Variants in SNTG1 observed in about 807,000 individuals in gnomAD.
The protein encoded by SNTG1 is gamma-1-syntrophin.
SNTG1 carries 39 observed loss-of-function variants against 74.7 expected under a neutral mutation model. The ratio of observed to expected loss-of-function variants is 0.52; its 90% confidence interval spans 0.40 to 0.68. The LOEUF (loss-of-function observed/expected upper bound fraction) is 0.68, where lower values mean the gene tolerates loss of function less well. Among genes scored for constraint, SNTG1 ranks in the 30% least tolerant of loss-of-function variants. The pLI is 0.00. For missense variants in SNTG1, 685 were observed against 609.5 expected (o/e 1.12, Z -1.30); for synonymous variants, 254 against 217.1 (o/e 1.17, Z -1.49).
rs2093768433 is a variant in SNTG1 at position 50,484,185 on chromosome 8, C to CTTCA, written c.364-18590_364-18589insATTC. On this transcript the variant is annotated intron_variant, in intron 8 of 18. Transcript: ENST00000642720. ...CCTTCCTTCCTTCCTTCCTTCCTTCCTTCCTTCCTTCCTTCCTTCCTTCCT... is the reference window on the plus strand; with the variant it reads ...CCTTCCTTCCTTCCTTCCTTCCTTCCTTCATTCCTTCCTTCCTTCCTTCCTTCCT... Among the ~76,000 whole-genome samples, 3 of 116,482 alleles carry CTTCA rather than the reference C, an allele frequency of 2.6e-5. No homozygotes were observed. In the South Asian group the frequency reaches 8.8e-4, roughly 34 times the overall value. The allele number at this position is 116,482 out of a possible 152,430, so 76.4% of individuals were successfully genotyped here.
chr8:50,691,307 A>T (rs1161993339), intron 15 of SNTG1, among the ~76,000 whole-genome samples: 2 of 152,026 alleles, frequency 1.3e-5, no homozygotes, highest in Non-Finnish European at 2.9e-5. Flanking sequence ...TTAGCTGGTT[A>T]TTTTGCTCGT....
intron 1 of SNTG1, among the ~76,000 whole-genome samples, chr8:50,138,236 C>T (rs73573585): frequency 0.027 from 4,149 of 151,718 alleles, 212 homozygotes; most frequent in African/African-American, 0.093. Context: ...CCACGGATGA[C>T]GAAAGCACTG....
Position 50,649,016 on chromosome 8 carries a change from A to G in SNTG1, c.850-7893A>G, listed in dbSNP as rs559335300. On this transcript the variant is annotated intron_variant, in intron 13 of 18. Coordinates refer to ENST00000642720, the MANE Select transcript of SNTG1 (RefSeq NM_018967.5). ...CTTTCAGTTAACATGATGTTCCTTG[A>G]GATTCATTCATGTTGTTCCATGTAA... Among the ~76,000 whole-genome samples the G allele has an allele frequency of 3.3e-5, 5 of 152,262 alleles. No homozygotes were observed. In the South Asian group the frequency reaches 1.0e-3, roughly 32 times the overall value.
chr8:50,793,801 A>G lies in SNTG1; in HGVS notation c.*972A>G, dbSNP rs2095698005. On this transcript the variant is annotated 3_prime_UTR_variant, in exon 19 of 19. Coordinates refer to ENST00000642720, the MANE Select transcript of SNTG1 (RefSeq NM_018967.5). ...GTCCCCCGAAAACAGTCCCAAAGCT[A>G]TTATAGATGTTAATTAAATGACATT... The G allele has an allele frequency of 6.6e-6, 1 of 151,948 alleles. No individual in the cohort carries two copies. 9.4% of individuals were successfully genotyped at this position (151,948 alleles called of 1,614,324 possible).
chr8:50,657,083 C>A, intron 14 of SNTG1, 58 bp downstream of exon 14: 3 of 936,716 alleles, frequency 3.2e-6, no homozygotes, highest in Non-Finnish European at 3.1e-6. Context: ...AGATTGACAC[C>A]AACTTAACAG....
At chr8:50,488,303 T>G (rs2093817259) in intron 8 of SNTG1, among the ~76,000 whole-genome samples, 1 of 152,256 alleles carries the variant, frequency 6.6e-6, no homozygotes, top group African/African-American at 2.4e-5. Context: ...AACTCACGTT[T>G]ACATGTAGTT....
chr8:50,380,001 G>A (rs1319978894), intron 2 of SNTG1, among the ~76,000 whole-genome samples: 1 of 152,230 alleles, frequency 6.6e-6, no homozygotes, highest in Non-Finnish European at 1.5e-5. Context: ...CACATGCTGA[G>A]GATGGCAGAG....
intron 1 of SNTG1, among the ~76,000 whole-genome samples, chr8:49,987,980 G>T (rs1487589186): frequency 1.3e-5 from 2 of 151,996 alleles, no homozygotes; most frequent in Middle Eastern, 3.2e-3. Flanking sequence ...ACCTTTGCAC[G>T]AACCTAATAT....
chr8:50,757,574 A>G (rs2095583603), intron 18 of SNTG1, among the ~76,000 whole-genome samples: 1 of 151,842 alleles, frequency 6.6e-6, no homozygotes, highest in African/African-American at 2.4e-5. Context: ...TAACATTGAA[A>G]GTGGATTTCT....
intron 1 of SNTG1, among the ~76,000 whole-genome samples, chr8:50,119,473 T>C (rs1273195371): frequency 7.1e-6 from 1 of 141,716 alleles, no homozygotes; most frequent in Non-Finnish European, 1.6e-5. Context: ...AAAAGTTATG[T>C]TGCAATTCAC....
intron 8 of SNTG1, among the ~76,000 whole-genome samples, chr8:50,454,746 GCAGCAGAATTGTTTGAACC>G (rs2093488019): frequency 6.7e-6 from 1 of 149,460 alleles, no homozygotes. Flanking sequence ...GGAGGTTGAC[GCAGCAGAATTGTTTGAACC>G]CAGGAGGCAA....
At chr8:50,118,769 A>G (rs2080908116) in intron 1 of SNTG1, among the ~76,000 whole-genome samples, 1 of 142,930 alleles carries the variant, frequency 7.0e-6, no homozygotes, top group Admixed American at 7.2e-5. Context: ...TCAAATAACA[A>G]AATTACCAGC....
chr8:50,089,940 A>G (rs58994020), intron 1 of SNTG1, among the ~76,000 whole-genome samples: 31,136 of 152,160 alleles, frequency 0.2, 3,325 homozygotes, highest in South Asian at 0.38. Flanking sequence ...TCATGCTGCT[A>G]TAAAGACACA....
intron 13 of SNTG1, among the ~76,000 whole-genome samples, chr8:50,598,259 G>A (rs560772688): frequency 1.3e-5 from 2 of 151,804 alleles, no homozygotes; most frequent in African/African-American, 4.8e-5. Context: ...ATTTTGATTT[G>A]ATTTTTGTGT....
intron 1 of SNTG1, among the ~76,000 whole-genome samples, chr8:50,080,139 T>A (rs191380354): frequency 4.3e-4 from 66 of 152,288 alleles, no homozygotes; most frequent in African/African-American, 1.4e-3. Context: ...GTTTATGAAT[T>A]ATAAAAGTTT....
chr8:50,693,097 T>C (rs867443349), intron 15 of SNTG1, among the ~76,000 whole-genome samples: 5 of 152,210 alleles, frequency 3.3e-5, no homozygotes, highest in Middle Eastern at 6.8e-3. Context: ...TTTAAGCCCA[T>C]TGGAAAAGCG....
chr8:50,265,849 A>C (rs1294752959), intron 2 of SNTG1, among the ~76,000 whole-genome samples: 1 of 152,068 alleles, frequency 6.6e-6, no homozygotes, highest in Non-Finnish European at 1.5e-5. Flanking sequence ...AATGATATCA[A>C]AAAAATGAAA....
intron 15 of SNTG1, among the ~76,000 whole-genome samples, chr8:50,691,620 T>A (rs1234759883): frequency 6.6e-6 from 1 of 152,220 alleles, no homozygotes; most frequent in African/African-American, 2.4e-5. Context: ...AGAGATCAGC[T>A]GTTAGTCTGA....
chr8:50,578,779 T>C (rs1340928823), intron 12 of SNTG1, among the ~76,000 whole-genome samples: 1 of 152,202 alleles, frequency 6.6e-6, no homozygotes, highest in African/African-American at 2.4e-5. Context: ...TAATTGTGTT[T>C]CCTGAGGGCC....
Sources: gnomAD v4.1 joint callset for allele counts (sites outside exome capture counted in the v4.1 genomes callset) on GRCh38, gnomAD v4.1.1 for gene constraint, MANE v1.5 for transcripts, NCBI Gene and HGNC (gene_info 2026-07-23, HGNC 2026-07-21) for gene names.